Variants in TMEM132C observed in about 807,000 individuals in gnomAD.
TMEM132C encodes protein phosphatase 1, regulatory subunit 152.
TMEM132C carries 29 observed loss-of-function variants against 61.4 expected under a neutral mutation model. That is an observed-to-expected ratio of 0.47 (90% CI 0.35 to 0.64). The LOEUF (loss-of-function observed/expected upper bound fraction) is 0.64, where lower values mean the gene tolerates loss of function less well. TMEM132C is among the 30% of genes least tolerant of loss of function. The pLI, the probability that TMEM132C is intolerant of heterozygous loss-of-function variation, is 0.00. For missense variants in TMEM132C, 1,408 were observed against 1,476.9 expected, an observed-to-expected ratio of 0.95 and a Z score of 0.76; for synonymous variants, 656 against 633.1, an observed-to-expected ratio of 1.04 and a Z score of -0.54.
At chr12:128,360,597 A>G (rs763168781) in intron 1 of TMEM132C, among the ~76,000 whole-genome samples, 35 of 152,106 alleles carry the variant, frequency 2.3e-4, no homozygotes, top group Non-Finnish European at 4.1e-4. Flanking sequence ...GACCCTACCC[A>G]TCATTCCGAG....
chr12:128,417,835 A>T (rs1464343033), intron 2 of TMEM132C, among the ~76,000 whole-genome samples: 2 of 152,198 alleles, frequency 1.3e-5, no homozygotes, highest in Non-Finnish European at 2.9e-5. Flanking sequence ...TAAAACAACT[A>T]CCAAGTTTAT....
chr12:128,469,630 G>GTGTGTGTT (rs1555226053), intron 2 of TMEM132C, among the ~76,000 whole-genome samples: 2,887 of 146,882 alleles, frequency 0.02, 87 homozygotes, highest in African/African-American at 0.07. Flanking sequence ...TATGCTTTGT[G>GTGTGTGTT]TGTGTGTGTT....
chr12:128,546,705 TG>T (rs1873962400), intron 3 of TMEM132C, among the ~76,000 whole-genome samples: 1 of 152,060 alleles, frequency 6.6e-6, no homozygotes. Flanking sequence ...GGAGGGCGGG[TG>T]GTGCATTGGG....
rs1870769540 is a variant in TMEM132C, at chr12:128,278,636, A to G, written c.85+11149A>G. Among the ~76,000 whole-genome samples the G allele has an allele frequency of 6.6e-6, 1 of 152,140 alleles. No individual in the cohort carries two copies. ...TCACAGAGGCAAGAAGCCTACAAACATCAGCTTTTTACTAAACCCCGGTGG... is the reference window on the plus strand; with the variant it reads ...TCACAGAGGCAAGAAGCCTACAAACGTCAGCTTTTTACTAAACCCCGGTGG... On this transcript the variant is annotated intron_variant, in intron 1 of 8. Transcript: ENST00000435159. This position sits in a 1 kb window ranked among gnomAD's most constrained non-coding sequence, Gnocchi z 4.2.
intron 2 of TMEM132C, among the ~76,000 whole-genome samples, chr12:128,503,414 A>C (rs1030135154): frequency 2.0e-5 from 3 of 152,184 alleles, no homozygotes; most frequent in African/African-American, 7.2e-5. Flanking sequence ...CTTCCTCCTC[A>C]GTCTGCAGCG....
At chr12:128,281,096 C>T (rs1870879286) in intron 1 of TMEM132C, among the ~76,000 whole-genome samples, 1 of 152,130 alleles carries the variant, frequency 6.6e-6, no homozygotes, top group Non-Finnish European at 1.5e-5. Context: ...CAGAAGTCTA[C>T]TTGGATTAGT....
At chr12:128,294,190 C>T (rs1871333108) in intron 1 of TMEM132C, 1 of 154,638 alleles carries the variant, frequency 6.5e-6, no homozygotes, top group African/African-American at 2.4e-5. Flanking sequence ...GCATCTTCCT[C>T]TGTGAACCGC....
chr12:128,357,812 C>G (rs1223168431), intron 1 of TMEM132C, among the ~76,000 whole-genome samples: 3 of 151,958 alleles, frequency 2.0e-5, no homozygotes, highest in African/African-American at 4.8e-5. Flanking sequence ...GTTCTTGGGA[C>G]AGAGAAATGT....
chr12:128,541,913 T>A (rs1326339571), intron 2 of TMEM132C, among the ~76,000 whole-genome samples: 1 of 152,104 alleles, frequency 6.6e-6, no homozygotes, highest in Non-Finnish European at 1.5e-5. Flanking sequence ...ACACATGGGG[T>A]TGTGGGGTCC....
intron 3 of TMEM132C, among the ~76,000 whole-genome samples, chr12:128,580,875 C>T (rs1171890494): frequency 6.6e-6 from 1 of 152,146 alleles, no homozygotes; most frequent in Non-Finnish European, 1.5e-5. Context: ...AGTAATTCTT[C>T]GTGATGGGGG....
chr12:128,544,104 G>T lies in TMEM132C; in HGVS notation c.1121+1G>T. 6.6e-7 allele frequency: 1 copy of T among 1,526,658 alleles called. No homozygotes were observed. 94.6% of individuals were successfully genotyped at this position (1,526,658 alleles called of 1,614,324 possible). ...GCCTGGGGCCCAGCCCACGCAACAG[G>T]TAAGCGGTGCCCTCCCTGCAAGCGT... On this transcript the variant is annotated splice_donor_variant, in intron 3 of 8. Transcript: ENST00000435159. LOFTEE classifies it high-confidence loss of function.
intron 1 of TMEM132C, among the ~76,000 whole-genome samples, chr12:128,284,804 C>T (rs1871006982): frequency 6.6e-6 from 1 of 152,044 alleles, no homozygotes; most frequent in South Asian, 2.1e-4. Context: ...ATAATAATAA[C>T]CCTTTCTAAG....
intron 1 of TMEM132C, among the ~76,000 whole-genome samples, chr12:128,383,119 T>C (rs1874463464): frequency 6.6e-6 from 1 of 152,176 alleles, no homozygotes; most frequent in Non-Finnish European, 1.5e-5. Flanking sequence ...TACATGTGTG[T>C]GTATGCAGTT....
At position 128,705,393 on chromosome 12, in the gene TMEM132C, G is replaced by A. The variant is rs1295618091; in HGVS notation, c.2425G>A (p.Gly809Ser). 1.5e-5 allele frequency: 23 copies of A among 1,551,046 alleles called. No individual in the cohort carries two copies. The highest frequency in any genetic ancestry group is 2.4e-5 in the South Asian group (2 of 84,064). ...ACAGAACGATGCTGACTCCAGCCCC[G>A]GCGGGGACTATGAGGAAGATGAGAT... ...FGQNDADSSP[G>S]GDYEEDEIKN... The change falls in exon 9 of 9, where the codon GGC becomes AGC. Residue 809 changes from glycine (G) to serine (S), a missense_variant. Gly to Ser is a moderately conservative substitution (Grantham distance 56, BLOSUM62 0). Coordinates refer to ENST00000435159, the MANE Select transcript of TMEM132C (RefSeq NM_001136103.3).
At chr12:128,540,460 GC>G (rs999460717) in intron 2 of TMEM132C, among the ~76,000 whole-genome samples, 15 of 152,092 alleles carry the variant, frequency 9.9e-5, no homozygotes, top group African/African-American at 2.7e-4. Context: ...TGCCATGTTG[GC>G]CAGGATAATC....
At chr12:128,279,458 C>T (rs1870811018) in intron 1 of TMEM132C, among the ~76,000 whole-genome samples, 1 of 152,182 alleles carries the variant, frequency 6.6e-6, no homozygotes, top group Non-Finnish European at 1.5e-5. Flanking sequence ...TCTCTAGTGT[C>T]TCCCATCACA....
In TMEM132C at chr12:128,541,991, G is replaced by A. The variant is rs544059389; in HGVS notation, c.975-1966G>A. Among the ~76,000 whole-genome samples, 10 of 152,320 alleles carry A rather than the reference G, an allele frequency of 6.6e-5. No homozygotes were observed. The South Asian group carries it at 2.1e-3, about 32-fold the overall frequency. ...ACTCGCCCTGATACCCATACCCAAT[G>A]TGAAGTCCTGGCATCACCTGGGCAT... On this transcript the variant is annotated intron_variant, in intron 2 of 8. Coordinates refer to ENST00000435159, the MANE Select transcript of TMEM132C (RefSeq NM_001136103.3).
At chr12:128,626,443 T>TTA (rs1463491238) in intron 4 of TMEM132C, among the ~76,000 whole-genome samples, 1 of 107,442 alleles carries the variant, frequency 9.3e-6, no homozygotes, top group Non-Finnish European at 1.8e-5. Flanking sequence ...CTGAACATTT[T>TTA]TATTTTTATT....
chr12:128,339,938 G>C (rs1367424382), intron 1 of TMEM132C, among the ~76,000 whole-genome samples: 1 of 152,134 alleles, frequency 6.6e-6, no homozygotes, highest in Non-Finnish European at 1.5e-5. Context: ...CCACCTTTCT[G>C]TGTTTCTCTA....
Sources: allele counts gnomAD v4.1 joint callset (sites outside exome capture counted in the v4.1 genomes callset), GRCh38; gene constraint gnomAD v4.1.1; non-coding constraint Gnocchi (gnomAD v3.1); transcripts MANE v1.5; gene names NCBI Gene and HGNC (gene_info 2026-07-23, HGNC 2026-07-21).